Variants in LDB2 observed in about 807,000 individuals in gnomAD.
The protein encoded by LDB2 is LIM domain-binding protein 2.
Under a neutral mutation model 44.3 loss-of-function variants are expected in LDB2, and 12 were observed. The observed-to-expected ratio is 0.27, with a 90% CI of 0.17 to 0.44. The LOEUF (loss-of-function observed/expected upper bound fraction) is 0.44, where lower values mean the gene tolerates loss of function less well. Among genes scored for constraint, LDB2 ranks in the 20% least tolerant of loss-of-function variants. The pLI is 1.00. For missense variants in LDB2, 344 were observed against 473.5 expected (o/e 0.73, Z 2.54); for synonymous variants, 164 against 174.8 (o/e 0.94, Z 0.49).
chr4:16,585,417 C>A (rs1305281341), intron 5 of LDB2, among the ~76,000 whole-genome samples: 1 of 152,122 alleles, frequency 6.6e-6, no homozygotes, highest in East Asian at 1.9e-4. Flanking sequence ...GGAAGAATCT[C>A]CTTCTTTTAC....
intron 1 of LDB2, among the ~76,000 whole-genome samples, chr4:16,883,255 A>T (rs547819181): frequency 2.0e-5 from 3 of 152,348 alleles, no homozygotes; most frequent in Admixed American, 6.5e-5. Flanking sequence ...CAGGTTAAAA[A>T]CAGAAATCAG....
intron 5 of LDB2, among the ~76,000 whole-genome samples, chr4:16,573,561 C>G (rs1317803313): frequency 6.6e-6 from 1 of 152,136 alleles, no homozygotes; most frequent in Non-Finnish European, 1.5e-5. Flanking sequence ...TGGTACCAGA[C>G]AGTTTAAAAG....
intron 1 of LDB2, among the ~76,000 whole-genome samples, chr4:16,800,114 G>A (rs1285880812): frequency 6.6e-6 from 1 of 151,308 alleles, no homozygotes; most frequent in Non-Finnish European, 1.5e-5. Flanking sequence ...TAGATTTCCA[G>A]AACCCTAGAC....
rs145695333 is a variant in LDB2, at chr4:16,711,589, G to A, written c.235+47569C>T. 1.2e-4 allele frequency among the ~76,000 whole-genome samples: 19 copies of A among 152,308 alleles called. No homozygotes were observed. In the East Asian group the frequency reaches 3.5e-3, roughly 28 times the overall value. On this transcript the variant is annotated intron_variant, in intron 2 of 7. Coordinates refer to ENST00000304523, the MANE Select transcript of LDB2 (RefSeq NM_001290.5). ...TTAACAAGGTCTCCCTGGATGCTGT[G>A]CATAGAATGAACTGCAAAGGGCAAA...
intron 5 of LDB2, among the ~76,000 whole-genome samples, chr4:16,559,993 A>C (rs923541468): frequency 6.6e-5 from 10 of 152,234 alleles, no homozygotes; most frequent in Non-Finnish European, 1.3e-4. Flanking sequence ...ATGAAGGCAG[A>C]AATAAAGATG....
chr4:16,851,588 T>G (rs1007162594), intron 1 of LDB2, among the ~76,000 whole-genome samples: 1 of 151,268 alleles, frequency 6.6e-6, no homozygotes, highest in African/African-American at 2.4e-5. Flanking sequence ...AGCGAGACTC[T>G]TGTCTCCAAA....
At chr4:16,677,321 C>T (rs1746589838) in intron 2 of LDB2, among the ~76,000 whole-genome samples, 1 of 152,174 alleles carries the variant, frequency 6.6e-6, no homozygotes, top group African/African-American at 2.4e-5. Flanking sequence ...AACAAATAAG[C>T]ATATGTGCAT....
intron 7 of LDB2, chr4:16,507,291 T>C (rs1719859570): frequency 6.6e-6 from 1 of 152,164 alleles, no homozygotes; most frequent in Non-Finnish European, 1.5e-5. Context: ...ATGAAAAGTA[T>C]ACCCCCTGTC....
chr4:16,752,491 C>T (rs578049682), intron 2 of LDB2: 29 of 443,108 alleles, frequency 6.5e-5, no homozygotes, highest in Middle Eastern at 3.3e-4. Context: ...TGTTTTGGCT[C>T]TGCCCAAAAC....
At chr4:16,879,375 T>C (rs1243969198) in intron 1 of LDB2, among the ~76,000 whole-genome samples, 2 of 152,310 alleles carry the variant, frequency 1.3e-5, no homozygotes, top group East Asian at 3.9e-4. Context: ...TCTGGGTATG[T>C]CTGTGAAGGT....
At chr4:16,783,107 A>G (rs1395291424) in intron 1 of LDB2, among the ~76,000 whole-genome samples, 1 of 152,236 alleles carries the variant, frequency 6.6e-6, no homozygotes, top group African/African-American at 2.4e-5. Context: ...AGCTAGTGCC[A>G]AGACCCGAAG....
At chr4:16,637,819 G>A (rs940068892) in intron 2 of LDB2, among the ~76,000 whole-genome samples, 2 of 152,076 alleles carry the variant, frequency 1.3e-5, no homozygotes, top group Non-Finnish European at 2.9e-5. Context: ...GAGGGTCATA[G>A]CAGATGCATG....
chr4:16,610,840 G>A (rs542458468), intron 2 of LDB2, among the ~76,000 whole-genome samples: 82 of 152,120 alleles, frequency 5.4e-4, no homozygotes, highest in African/African-American at 1.8e-3. Context: ...ATAGGCCAAC[G>A]TGCAAATTCA....
chr4:16,847,647 T>C (rs1787316819), intron 1 of LDB2, among the ~76,000 whole-genome samples: 1 of 151,570 alleles, frequency 6.6e-6, no homozygotes, highest in African/African-American at 2.4e-5. Flanking sequence ...AGACGGAGTC[T>C]CGCTCTGTCG....
chr4:16,861,888 G>A (rs547241785), intron 1 of LDB2, among the ~76,000 whole-genome samples: 3 of 152,258 alleles, frequency 2.0e-5, no homozygotes, highest in Admixed American at 6.5e-5. Context: ...ATACACCTGC[G>A]GGGATACTCC....
chr4:16,706,126 G>T lies in LDB2; in HGVS notation c.235+53032C>A, dbSNP rs188435242. Among the ~76,000 whole-genome samples, 27 of 152,244 alleles carry T rather than the reference G, an allele frequency of 1.8e-4. 1 individual carries two copies. The East Asian group carries it at 5.0e-3, about 28-fold the overall frequency. On this transcript the variant is annotated intron_variant, in intron 2 of 7. Transcript: ENST00000304523. ...ATTCTTGTGTTCCTTTATTTACTCA[G>T]CAGGCCTTTTGATGGCATTTCGTGC...
chr4:16,656,775 T>C (rs1435221820), intron 2 of LDB2, among the ~76,000 whole-genome samples: 2 of 152,232 alleles, frequency 1.3e-5, no homozygotes, highest in Non-Finnish European at 2.9e-5. Flanking sequence ...CTTTGTACTA[T>C]ATAACATTGT....
At chr4:16,652,040 C>G (rs1026905479) in intron 2 of LDB2, among the ~76,000 whole-genome samples, 1 of 152,022 alleles carries the variant, frequency 6.6e-6, no homozygotes, top group South Asian at 2.1e-4. Flanking sequence ...AACCTGGAAC[C>G]CTTGGACTCA....
At chr4:16,687,140 C>A (rs1749454258) in intron 2 of LDB2, among the ~76,000 whole-genome samples, 1 of 151,650 alleles carries the variant, frequency 6.6e-6, no homozygotes, top group African/African-American at 2.4e-5. Context: ...AACTTCAGTT[C>A]ATTAATGTAA....
Sources: allele counts gnomAD v4.1 joint callset (sites outside exome capture counted in the v4.1 genomes callset), GRCh38; gene constraint gnomAD v4.1.1; transcripts MANE v1.5; gene names NCBI Gene and HGNC (gene_info 2026-07-23, HGNC 2026-07-21).